TMC5: variants seen among roughly 807,000 people sequenced by gnomAD.
TMC5 encodes the protein transmembrane channel-like protein 5.
Under a neutral mutation model 110.5 loss-of-function variants are expected in TMC5, and 86 were observed. That is an observed-to-expected ratio of 0.78 (90% CI 0.65 to 0.93). The LOEUF (loss-of-function observed/expected upper bound fraction) is 0.93. Among genes scored for constraint, TMC5 ranks in the 40% least tolerant of loss-of-function variants. TMC5 has a pLI of 0.00. For missense variants in TMC5, 1,144 were observed against 1,222.8 expected (o/e 0.94, Z 0.96); for synonymous variants, 455 against 439.5 (o/e 1.04, Z -0.44).
chr16:19,414,986 C>G (rs1218813617), upstream of TMC5, among the ~76,000 whole-genome samples: 1 of 152,104 alleles, frequency 6.6e-6, no homozygotes, highest in Non-Finnish European at 1.5e-5. Flanking sequence ...GCCTGGGTGA[C>G]AAAGCAAGGC....
In TMC5 at chr16:19,430,670, G is replaced by GTTAA. The variant is rs570177605; in HGVS notation, c.-80+31_-80+34dup. 237 of 152,136 alleles carry GTTAA rather than the reference G, an allele frequency of 1.6e-3. 1 individual carries two copies. The highest frequency in any genetic ancestry group is 5.6e-3 in the African/African-American group (233 of 41,514). The allele number at this position is 152,136 out of a possible 1,614,324, so 9.4% of individuals were successfully genotyped here. On this transcript the variant is annotated intron_variant, in intron 2 of 21. Transcript: ENST00000542583. ...GTTTTCATACAGCTGAATTTATTCG[G>GTTAA]TTAAATAAACTACCCTTCTTTTTGA...
intron 5 of TMC5, among the ~76,000 whole-genome samples, chr16:19,457,519 T>C (rs1967909007): frequency 6.6e-6 from 1 of 152,048 alleles, no homozygotes; most frequent in Admixed American, 6.6e-5. Context: ...TCAAGCTTAT[T>C]TTGTATGCCT....
rs61334845 is a variant in TMC5 at position 19,492,943 on chromosome 16, A to ATATATATATATATATATATATAT, written c.2826+715_2826+716insTATATATATATATATATATATAT. On this transcript the variant is annotated intron_variant, in intron 19 of 21. Transcript: ENST00000542583. Reference sequence around the variant, plus strand: ...ATATATATATATATATCTCTCTATAAGATAAATACTTTTATTTCATTTATT... The same window carrying ATATATATATATATATATATATAT: ...ATATATATATATATATCTCTCTATAATATATATATATATATATATATATGATAAATACTTTTATTTCATTTATT... Among the ~76,000 whole-genome samples the ATATATATATATATATATATATAT allele has an allele frequency of 8.2e-3, 752 of 91,538 alleles. 141 individuals are homozygous for ATATATATATATATATATATATAT. The highest frequency in any genetic ancestry group is 0.018 in the South Asian group (33 of 1,842). 60.1% of individuals were successfully genotyped at this position (91,538 alleles called of 152,430 possible).
At chr16:19,458,788 T>G (rs1967948877) in intron 5 of TMC5, among the ~76,000 whole-genome samples, 1 of 152,104 alleles carries the variant, frequency 6.6e-6, no homozygotes, top group African/African-American at 2.4e-5. Flanking sequence ...AGAGATTTGG[T>G]GGTCCTCTTT....
At chr16:19,445,161 C>T (rs927976466) in intron 4 of TMC5, among the ~76,000 whole-genome samples, 1 of 151,852 alleles carries the variant, frequency 6.6e-6, no homozygotes, top group Non-Finnish European at 1.5e-5. Context: ...AGAAAGTTAG[C>T]AAGCAAACTA....
chr16:19,451,359 G>T (rs182575007), intron 5 of TMC5, among the ~76,000 whole-genome samples: 262 of 152,246 alleles, frequency 1.7e-3, no homozygotes, highest in Non-Finnish European at 3.2e-3. Context: ...GCCTTTTCAG[G>T]GAGGGTTAGA....
In TMC5 at chr16:19,440,500, T is replaced by C. The variant is rs978036449; in HGVS notation, c.462T>C (p.Asp154=). 4 of 1,614,014 alleles carry C rather than the reference T, an allele frequency of 2.5e-6. No homozygotes were observed. The African/African-American group carries it at 5.3e-5, about 22-fold the overall frequency. Residue 154 remains aspartate (D), a synonymous_variant, in exon 3 of 22, where the codon GAT becomes GAC. Coordinates refer to ENST00000542583, the MANE Select transcript of TMC5 (RefSeq NM_001261841.2). The part of the protein sequence containing the change: ...GNYAGSRTHP[D]HFGSLEPDYP... ...ATGCAGGCTCCAGAACACATCCAGA[T>C]CATTTTGGCTCCTTAGAACCGGACT...
chr16:19,465,322 T>G (rs1430121647), intron 8 of TMC5, among the ~76,000 whole-genome samples: 2 of 151,946 alleles, frequency 1.3e-5, no homozygotes, highest in Admixed American at 6.6e-5. Context: ...TCACTTGAAG[T>G]CAGAAGTTGG....
chr16:19,448,926 A>T (rs1597179471), intron 4 of TMC5, among the ~76,000 whole-genome samples: 2 of 142,350 alleles, frequency 1.4e-5, no homozygotes, highest in Non-Finnish European at 3.0e-5. Flanking sequence ...CAGTGGCGCG[A>T]TCTCGGCTCA....
chr16:19,417,833 A>G (rs1322748089), upstream of TMC5: 1 of 152,150 alleles, frequency 6.6e-6, no homozygotes, highest in Non-Finnish European at 1.5e-5. Flanking sequence ...TTGATGAGGA[A>G]AGAGATGATA....
chr16:19,457,506 T>C (rs976175124), intron 5 of TMC5, among the ~76,000 whole-genome samples: 2 of 152,140 alleles, frequency 1.3e-5, no homozygotes, highest in Non-Finnish European at 2.9e-5. Flanking sequence ...GAGCTTATTT[T>C]TATCAAGCTT....
intron 15 of TMC5, 138 bp downstream of exon 15, chr16:19,481,603 A>C (rs1968621527): frequency 7.5e-6 from 5 of 669,862 alleles, no homozygotes; most frequent in Admixed American, 7.2e-5. Flanking sequence ...GAGAACCATG[A>C]ATTTAGCATT....
chr16:19,460,975 G>A (rs1968007217), intron 6 of TMC5, among the ~76,000 whole-genome samples: 1 of 152,086 alleles, frequency 6.6e-6, no homozygotes, highest in East Asian at 1.9e-4. Context: ...GGGCATCATA[G>A]TGAGACTCCA....
intron 5 of TMC5, among the ~76,000 whole-genome samples, chr16:19,459,601 A>T (rs1967968442): frequency 1.3e-5 from 2 of 151,740 alleles, no homozygotes; most frequent in Non-Finnish European, 2.9e-5. Flanking sequence ...ACATAGCAAG[A>T]CCCCATCTCT....
intron 6 of TMC5, among the ~76,000 whole-genome samples, chr16:19,461,272 C>A (rs553177448): frequency 6.6e-6 from 1 of 152,166 alleles, no homozygotes; most frequent in Admixed American, 6.5e-5. Flanking sequence ...TAAATAAAAT[C>A]TTTACTTAAA....
chr16:19,465,299 C>T (rs187703462), intron 8 of TMC5, among the ~76,000 whole-genome samples: 4 of 152,026 alleles, frequency 2.6e-5, no homozygotes, highest in Admixed American at 1.3e-4. Context: ...TTTGGGAGGC[C>T]GAGGCGGGTG....
Position 19,472,910 on chromosome 16 carries a change from T to C in TMC5, c.1938+667T>C, listed in dbSNP as rs752233988. ...AGGGAGGATATGGGAATGTGAGATA[T>C]CAGATAAATTCATTGGAATCCCTGA... On this transcript the variant is annotated intron_variant, in intron 11 of 21. Transcript: ENST00000542583. 3.9e-5 allele frequency among the ~76,000 whole-genome samples: 6 copies of C among 151,992 alleles called. No homozygotes were observed. The East Asian group carries it at 5.8e-4, about 15-fold the overall frequency.
intron 1 of TMC5, among the ~76,000 whole-genome samples, chr16:19,425,906 C>G (rs962071163): frequency 5.9e-5 from 9 of 152,174 alleles, no homozygotes; most frequent in African/African-American, 2.2e-4. Context: ...AGGCTGATCT[C>G]AAACTCCTGA....
At chr16:19,469,872 C>G (rs1338450295) in intron 10 of TMC5, 47 bp downstream of exon 10, 1 of 1,606,164 alleles carries the variant, frequency 6.2e-7, no homozygotes, top group Admixed American at 1.7e-5. Context: ...GGTCTCCTTC[C>G]CTTCTCCAGT....
Sources: gnomAD v4.1 joint callset for allele counts (sites outside exome capture counted in the v4.1 genomes callset) on GRCh38, gnomAD v4.1.1 for gene constraint, MANE v1.5 for transcripts, NCBI Gene and HGNC (gene_info 2026-07-23, HGNC 2026-07-21) for gene names.